Variants in EYA1 observed in about 807,000 individuals in gnomAD.
EYA1 encodes the protein EYA transcriptional coactivator and phosphatase 1.
Under a neutral mutation model 82.0 loss-of-function variants are expected in EYA1, and 16 were observed. The ratio of observed to expected loss-of-function variants is 0.20; its 90% confidence interval spans 0.13 to 0.30. The LOEUF (loss-of-function observed/expected upper bound fraction) is 0.30. Ranked by LOEUF, EYA1 falls within the 10% of genes least tolerant of loss-of-function variation. EYA1 has a pLI of 1.00. For missense variants in EYA1, 633 were observed against 730.7 expected (o/e 0.87, Z 1.54); for synonymous variants, 261 against 264.4 (o/e 0.99, Z 0.12).
At chr8:71,491,930 CA>C (rs1247717756) in intron 2 of EYA1, among the ~76,000 whole-genome samples, 1 of 151,818 alleles carries the variant, frequency 6.6e-6, no homozygotes, top group Admixed American at 6.6e-5. Flanking sequence ...ACTTAAGAAG[CA>C]AAGCTGACTT....
At position 71,477,904 on chromosome 8, in the gene EYA1, G is replaced by A. The variant is rs115978460; in HGVS notation, c.33+57840C>T. Among the ~76,000 whole-genome samples the A allele has an allele frequency of 4.2e-3, 633 of 152,276 alleles. 6 individuals are homozygous for A. Among genetic ancestry groups the A allele is most frequent in the African/African-American group, 0.015 (611 of 41,560 alleles). On this transcript the variant is annotated intron_variant, in intron 2 of 18. Transcript: ENST00000643681. Reference sequence around the variant, plus strand: ...GAATATTATTCAGCCATAAAAAGGAGTGAAGTATGAATACATGCTGCTATA... The same window carrying A: ...GAATATTATTCAGCCATAAAAAGGAATGAAGTATGAATACATGCTGCTATA...
At chr8:71,202,034 C>T (rs942445963) in intron 17 of EYA1, among the ~76,000 whole-genome samples, 2 of 152,162 alleles carry the variant, frequency 1.3e-5, no homozygotes, top group African/African-American at 4.8e-5. Flanking sequence ...GGACAACCAT[C>T]TTCATAAAAA....
chr8:71,412,150 A>G (rs1172349691), intron 2 of EYA1, among the ~76,000 whole-genome samples: 2 of 131,896 alleles, frequency 1.5e-5, no homozygotes, highest in African/African-American at 2.8e-5. Flanking sequence ...AACACCGCAT[A>G]TTCTCACTCA....
intron 9 of EYA1, among the ~76,000 whole-genome samples, chr8:71,291,134 C>A (rs1193604257): frequency 6.6e-6 from 1 of 152,164 alleles, no homozygotes; most frequent in Non-Finnish European, 1.5e-5. Flanking sequence ...ATCATTTCCA[C>A]AATGAACAGA....
chr8:71,384,863 G>A (rs973614183), intron 2 of EYA1, among the ~76,000 whole-genome samples: 9 of 152,148 alleles, frequency 5.9e-5, no homozygotes, highest in Middle Eastern at 6.8e-3. Context: ...ATAGATTGTC[G>A]TGCTTTCTAC....
intron 10 of EYA1, 137 bp from the exon 11 acceptor site, chr8:71,269,960 A>G: frequency 1.4e-6 from 1 of 719,400 alleles, no homozygotes; most frequent in South Asian, 1.5e-5. Context: ...AAAAAAACAC[A>G]ACTGTTTCAA....
intron 2 of EYA1, among the ~76,000 whole-genome samples, chr8:71,384,127 C>A (rs942439089): frequency 1.3e-5 from 2 of 152,026 alleles, no homozygotes; most frequent in African/African-American, 2.4e-5. Context: ...AATTTCCTAA[C>A]CTCACTAAGA....
intron 2 of EYA1, among the ~76,000 whole-genome samples, chr8:71,400,819 A>T (rs1829915046): frequency 6.6e-6 from 1 of 152,212 alleles, no homozygotes; most frequent in Admixed American, 6.5e-5. Context: ...TCATTCTATT[A>T]TTAAGACATA....
rs376801560 is a variant in EYA1 at position 71,249,776 on chromosome 8, A to G, written c.1051-5084T>C. Among the ~76,000 whole-genome samples the G allele has an allele frequency of 2.4e-4, 37 of 152,270 alleles. 1 individual carries two copies. The South Asian group carries it at 6.0e-3, about 25-fold the overall frequency. ...TTAGATCTCAACTGGAGGCTCATAT[A>G]TCAATTACTTATTGGTCATTTCCAC... On this transcript the variant is annotated intron_variant, in intron 11 of 17. Coordinates refer to ENST00000340726, the MANE Select transcript of EYA1 (RefSeq NM_000503.6).
intron 12 of EYA1, among the ~76,000 whole-genome samples, chr8:71,227,802 A>G (rs1810736226): frequency 6.6e-6 from 1 of 152,224 alleles, no homozygotes; most frequent in South Asian, 2.1e-4. Flanking sequence ...GCATTTTGTA[A>G]AGAAATATTT....
At position 71,198,320 on chromosome 8, in the gene EYA1, A is replaced by G. The variant is rs530293492; in HGVS notation, c.*1020T>C. ...AGCTCATTTTGTTTCAAATTGTTTAAGAAACTGCTGTGTTATTTCATCAAG... is the reference window on the plus strand; with the variant it reads ...AGCTCATTTTGTTTCAAATTGTTTAGGAAACTGCTGTGTTATTTCATCAAG... On this transcript the variant is annotated 3_prime_UTR_variant, in exon 18 of 18. Coordinates refer to ENST00000340726, the MANE Select transcript of EYA1 (RefSeq NM_000503.6). 1 of 152,760 alleles carries G rather than the reference A, an allele frequency of 6.5e-6. No individual in the cohort carries two copies. The highest frequency in any genetic ancestry group is 2.4e-5 in the African/African-American group (1 of 41,572). The allele number at this position is 152,760 out of a possible 1,614,324, so 9.5% of individuals were successfully genotyped here. A position where few individuals can be genotyped will look rare whatever the true frequency, so the allele number is the denominator to read the frequency against.
intron 2 of EYA1, among the ~76,000 whole-genome samples, chr8:71,475,944 G>T (rs768239248): frequency 1.3e-5 from 2 of 152,124 alleles, no homozygotes; most frequent in Non-Finnish European, 2.9e-5. Flanking sequence ...AAGAGTCATT[G>T]AATATTTTGA....
intron 12 of EYA1, among the ~76,000 whole-genome samples, chr8:71,223,858 C>T (rs1810246946): frequency 6.6e-6 from 1 of 152,164 alleles, no homozygotes; most frequent in Admixed American, 6.5e-5. Flanking sequence ...AATTTTTCTG[C>T]AAATATTTAT....
chr8:71,289,117 G>C (rs1012658671), intron 9 of EYA1, among the ~76,000 whole-genome samples: 1 of 152,160 alleles, frequency 6.6e-6, no homozygotes, highest in Admixed American at 6.6e-5. Context: ...AGGACAAGAT[G>C]CAAGGAGGTC....
chr8:71,446,929 T>C (rs1193056681), intron 2 of EYA1, among the ~76,000 whole-genome samples: 2 of 152,098 alleles, frequency 1.3e-5, no homozygotes, highest in Non-Finnish European at 2.9e-5. Context: ...GTGGCTTATC[T>C]TAAAGTAGCA....
intron 7 of EYA1, among the ~76,000 whole-genome samples, chr8:71,300,698 G>A (rs1820111607): frequency 6.6e-6 from 1 of 152,008 alleles, no homozygotes; most frequent in African/African-American, 2.4e-5. Context: ...CTTCTAATAA[G>A]AAAACCTAGG....
chr8:71,454,807 A>G (rs1295635572), intron 2 of EYA1, among the ~76,000 whole-genome samples: 1 of 152,216 alleles, frequency 6.6e-6, no homozygotes, highest in Non-Finnish European at 1.5e-5. Flanking sequence ...AATGCCCACA[A>G]AAGAAAGCAG....
intron 2 of EYA1, among the ~76,000 whole-genome samples, chr8:71,437,535 T>C (rs763613700): frequency 2.0e-5 from 3 of 152,006 alleles, no homozygotes; most frequent in Non-Finnish European, 4.4e-5. Flanking sequence ...CAGCTTAATA[T>C]TATATAGGCA....
intron 3 of EYA1, among the ~76,000 whole-genome samples, chr8:71,353,952 ATAGAC>A (rs1826574752): frequency 6.6e-6 from 1 of 152,172 alleles, no homozygotes; most frequent in Non-Finnish European, 1.5e-5. Context: ...TAATTTTTCA[ATAGAC>A]TAGAGTAGAA....
Sources: gnomAD v4.1 joint callset for allele counts (sites outside exome capture counted in the v4.1 genomes callset) on GRCh38, gnomAD v4.1.1 for gene constraint, MANE v1.5 for transcripts, NCBI Gene and HGNC (gene_info 2026-07-23, HGNC 2026-07-21) for gene names.